Variants in B3GALT1 observed in about 807,000 individuals in gnomAD.
B3GALT1 encodes UDP-Gal:betaGlcNAc beta 1,3-galactosyltransferase, polypeptide 1.
B3GALT1 carries 10 observed loss-of-function variants against 23.2 expected under a neutral mutation model. The ratio of observed to expected loss-of-function variants is 0.43; its 90% confidence interval spans 0.27 to 0.73. The LOEUF (loss-of-function observed/expected upper bound fraction) is 0.73. Among genes scored for constraint, B3GALT1 ranks in the 30% least tolerant of loss-of-function variants. The pLI is 0.21. For missense variants in B3GALT1, 299 were observed against 405.4 expected, an observed-to-expected ratio of 0.74 and a Z score of 2.25; for synonymous variants, 156 against 141.5, an observed-to-expected ratio of 1.10 and a Z score of -0.73.
chr2:167,305,254 A>T (rs1696531670), intron 1 of B3GALT1, among the ~76,000 whole-genome samples: 1 of 152,110 alleles, frequency 6.6e-6, no homozygotes, highest in South Asian at 2.1e-4. Context: ...ATATATATAT[A>T]TTTTGCTTCC....
chr2:167,567,747 G>C (rs986194740), intron 2 of B3GALT1, among the ~76,000 whole-genome samples: 2 of 151,646 alleles, frequency 1.3e-5, no homozygotes, highest in Non-Finnish European at 2.9e-5. Context: ...ATTATCCCCC[G>C]AAGTCCATAG....
rs1215254567 is a variant in B3GALT1 at position 167,684,956 on chromosome 2, C to CAA, written c.-352+37990_-352+37991insAA. Among the ~76,000 whole-genome samples, 13 of 152,292 alleles carry CAA rather than the reference C, an allele frequency of 8.5e-5. No individual in the cohort carries two copies. The East Asian group carries it at 2.5e-3, about 29-fold the overall frequency. On this transcript the variant is annotated intron_variant, in intron 3 of 4. Coordinates refer to ENST00000392690, the MANE Select transcript of B3GALT1 (RefSeq NM_020981.4). ...TTAGGGGCATAAACAACATCAACCA[C>CAA]CACCACTTAAATCTGAAAATGAGTC...
At chr2:167,310,790 C>T (rs1696624134) in intron 1 of B3GALT1, among the ~76,000 whole-genome samples, 1 of 152,012 alleles carries the variant, frequency 6.6e-6, no homozygotes, top group African/African-American at 2.4e-5. Context: ...AAGAAGCCTG[C>T]TGGAAGATGA....
Position 167,480,870 on chromosome 2 carries a change from A to G in B3GALT1, c.-510-9307A>G, listed in dbSNP as rs191306003. On this transcript the variant is annotated intron_variant, in intron 1 of 4. Coordinates refer to ENST00000392690, the MANE Select transcript of B3GALT1 (RefSeq NM_020981.4). ...AGGTTCAGGGAAGACGGCAACCCAT[A>G]CTGTCTACACTCCTTTTGTTTCACT... 9.0e-3 allele frequency among the ~76,000 whole-genome samples: 1,367 copies of G among 152,028 alleles called. 5 individuals carry two copies. The highest frequency in any genetic ancestry group is 0.016 in the Non-Finnish European group (1,074 of 67,954).
chr2:167,305,742 T>A (rs940397649), intron 1 of B3GALT1, among the ~76,000 whole-genome samples: 1 of 152,154 alleles, frequency 6.6e-6, no homozygotes, highest in African/African-American at 2.4e-5. Flanking sequence ...TCTCATTTGA[T>A]GATCTTTCAG....
chr2:167,845,042 A>G (rs1689727285), intron 4 of B3GALT1, among the ~76,000 whole-genome samples: 1 of 152,076 alleles, frequency 6.6e-6, no homozygotes, highest in African/African-American at 2.4e-5. Context: ...AGACAACTCC[A>G]ATGACCTGGG....
intron 2 of B3GALT1, among the ~76,000 whole-genome samples, chr2:167,595,292 G>C (rs1330601778): frequency 6.6e-6 from 1 of 152,128 alleles, no homozygotes; most frequent in Admixed American, 6.5e-5. Flanking sequence ...AGCAAAAATA[G>C]ACAAAAATAA....
chr2:167,769,243 C>A (rs1397439634), intron 3 of B3GALT1, among the ~76,000 whole-genome samples: 1 of 152,112 alleles, frequency 6.6e-6, no homozygotes, highest in Non-Finnish European at 1.5e-5. Context: ...CTGCACAAAT[C>A]CTAGTGGGCA....
chr2:167,490,287 G>A lies in B3GALT1; in HGVS notation c.-410+10G>A, dbSNP rs1277043211. 2 of 152,154 alleles carry A rather than the reference G, an allele frequency of 1.3e-5. No homozygotes were observed. The highest frequency in any genetic ancestry group is 2.4e-5 in the African/African-American group (1 of 41,444). 9.4% of individuals were successfully genotyped at this position (152,154 alleles called of 1,614,324 possible). A position where few individuals can be genotyped will look rare whatever the true frequency, so the allele number is the denominator to read the frequency against. Reference sequence around the variant, plus strand: ...AAATTTTCATCATAGGGTAATAGCCGATTCCTATTTTTGATTTGATAGTCT... The same window carrying A: ...AAATTTTCATCATAGGGTAATAGCCAATTCCTATTTTTGATTTGATAGTCT... On this transcript the variant is annotated intron_variant, in intron 2 of 4. Coordinates refer to ENST00000392690, the MANE Select transcript of B3GALT1 (RefSeq NM_020981.4).
chr2:167,438,042 T>C (rs937213286), intron 1 of B3GALT1, among the ~76,000 whole-genome samples: 1 of 152,242 alleles, frequency 6.6e-6, no homozygotes, highest in South Asian at 2.1e-4. Flanking sequence ...ATTTCTATCA[T>C]GTTCTAAAGT....
chr2:167,298,982 AAAAC>A (rs904305120), intron 1 of B3GALT1, among the ~76,000 whole-genome samples: 41 of 152,304 alleles, frequency 2.7e-4, no homozygotes, highest in Middle Eastern at 3.4e-3. Context: ...AGAAAAGAAA[AAAAC>A]AAACCTATTG....
At chr2:167,842,454 A>G (rs552802729) in intron 4 of B3GALT1, among the ~76,000 whole-genome samples, 1 of 152,304 alleles carries the variant, frequency 6.6e-6, no homozygotes, top group Admixed American at 6.5e-5. Context: ...TTAGACTTCA[A>G]CTCCTTAGAG....
chr2:167,360,298 T>C (rs1697480994), intron 1 of B3GALT1, among the ~76,000 whole-genome samples: 1 of 152,216 alleles, frequency 6.6e-6, no homozygotes, highest in Non-Finnish European at 1.5e-5. Context: ...ATACTTCTGC[T>C]ATTGATAGTA....
Position 167,309,802 on chromosome 2 carries a change from A to G in B3GALT1, c.-511+16468A>G, listed in dbSNP as rs946978178. On this transcript the variant is annotated intron_variant, in intron 1 of 4. Transcript: ENST00000392690. The stretch of plus-strand genomic sequence containing the variant: ...TGACTTTTAAAATAGGTATTCAACA[A>G]TGTGGAAAAATATTTAGATAATTCT... Among the ~76,000 whole-genome samples, 3 of 152,100 alleles carry G rather than the reference A, an allele frequency of 2.0e-5. No homozygotes were observed. In the East Asian group the frequency reaches 5.8e-4, roughly 29 times the overall value.
chr2:167,463,213 G>A (rs1049292344), intron 1 of B3GALT1, among the ~76,000 whole-genome samples: 3 of 150,966 alleles, frequency 2.0e-5, no homozygotes, highest in African/African-American at 7.3e-5. Context: ...TTCTTATCTG[G>A]GCCAAATTTT....
intron 3 of B3GALT1, among the ~76,000 whole-genome samples, chr2:167,799,388 T>C (rs1471393359): frequency 6.6e-6 from 1 of 152,170 alleles, no homozygotes; most frequent in Admixed American, 6.6e-5. Context: ...TTACTTTGTA[T>C]ACCTTTGTGT....
chr2:167,857,889 T>C (rs1206174298), intron 4 of B3GALT1, among the ~76,000 whole-genome samples: 1 of 152,104 alleles, frequency 6.6e-6, no homozygotes, highest in Non-Finnish European at 1.5e-5. Context: ...GATTAAATGA[T>C]GATTCTCTTG....
intron 2 of B3GALT1, among the ~76,000 whole-genome samples, chr2:167,535,203 A>AT (rs1683395480): frequency 1.3e-5 from 2 of 152,164 alleles, no homozygotes; most frequent in African/African-American, 2.4e-5. Flanking sequence ...AGAGTTATAG[A>AT]TTTTTTTAAG....
At chr2:167,610,512 A>G (rs554221876) in intron 2 of B3GALT1, among the ~76,000 whole-genome samples, 13 of 152,188 alleles carry the variant, frequency 8.5e-5, no homozygotes, top group Admixed American at 7.9e-4. Flanking sequence ...TCAGTACAGA[A>G]CCCTAGAAGA....
Sources: allele counts gnomAD v4.1 joint callset (sites outside exome capture counted in the v4.1 genomes callset), GRCh38; gene constraint gnomAD v4.1.1; transcripts MANE v1.5; gene names NCBI Gene and HGNC (gene_info 2026-07-23, HGNC 2026-07-21).